Variants in PREX1 observed in about 807,000 individuals in gnomAD.
The protein encoded by PREX1 is phosphatidylinositol 3,4,5-trisphosphate-dependent Rac exchanger 1 protein.
A neutral mutation model predicts 198.3 loss-of-function variants in PREX1; 41 were observed. The observed-to-expected ratio is 0.21, with a 90% CI of 0.16 to 0.27. The LOEUF (loss-of-function observed/expected upper bound fraction) is 0.27, where lower values mean the gene tolerates loss of function less well. PREX1 is among the 10% of genes least tolerant of loss of function. The pLI is 1.00. For synonymous variants in PREX1, 843 were observed against 887.2 expected (o/e 0.95, Z 0.89); for missense variants, 1,620 against 2,200.7 (o/e 0.74, Z 5.28).
chr20:48,856,480 G>A, the PREX1 span, among the ~76,000 whole-genome samples: 1 of 152,166 alleles, frequency 6.6e-6, no homozygotes, highest in African/African-American at 2.4e-5. Context: ...TCAAGGAATG[G>A]AAACAGCAGG....
intron 14 of PREX1, among the ~76,000 whole-genome samples, chr20:48,667,753 C>G (rs566694937): frequency 1.3e-5 from 2 of 152,192 alleles, no homozygotes; most frequent in Non-Finnish European, 1.5e-5. Flanking sequence ...CTGGACCCTG[C>G]GGGTTTGGCC....
the PREX1 span, among the ~76,000 whole-genome samples, chr20:48,843,268 T>C: frequency 2.0e-5 from 3 of 152,214 alleles, no homozygotes; most frequent in Non-Finnish European, 4.4e-5. Flanking sequence ...TGGATCCAGG[T>C]GCTCAAAGAT....
chr20:48,806,813 T>A (rs1241509330), intron 1 of PREX1, among the ~76,000 whole-genome samples: 1 of 152,180 alleles, frequency 6.6e-6, no homozygotes, highest in African/African-American at 2.4e-5. Context: ...AAGGTCAAGA[T>A]GGCCCCCAAA....
chr20:48,824,580 C>T (rs185940381), intron 1 of PREX1, among the ~76,000 whole-genome samples: 7 of 152,346 alleles, frequency 4.6e-5, no homozygotes, highest in Non-Finnish European at 7.3e-5. Flanking sequence ...CTGCCAGACA[C>T]TGTTCTAAGT....
At chr20:48,700,995 A>C in intron 6 of PREX1, 109 bp from the exon 7 acceptor site, 1 of 1,435,540 alleles carries the variant, frequency 7.0e-7, no homozygotes. Flanking sequence ...AAACTCCACC[A>C]GCAAGTCTGT....
At chr20:48,812,256 A>T (rs2090439508) in intron 1 of PREX1, among the ~76,000 whole-genome samples, 1 of 152,184 alleles carries the variant, frequency 6.6e-6, no homozygotes, top group South Asian at 2.1e-4. Flanking sequence ...GGAATGGGTA[A>T]ATAATATAAG....
intron 6 of PREX1, among the ~76,000 whole-genome samples, chr20:48,705,999 G>A (rs939732536): frequency 1.3e-5 from 2 of 152,142 alleles, no homozygotes; most frequent in Admixed American, 6.5e-5. Context: ...GTAAAATGGG[G>A]ATAATAGCAC....
At chr20:48,864,351 G>C in the PREX1 span, among the ~76,000 whole-genome samples, 1 of 152,120 alleles carries the variant, frequency 6.6e-6, no homozygotes, top group Non-Finnish European at 1.5e-5. Context: ...TCCGTTACTG[G>C]GGTTAATATT....
At chr20:48,859,653 C>T in the PREX1 span, among the ~76,000 whole-genome samples, 6 of 152,136 alleles carry the variant, frequency 3.9e-5, no homozygotes, top group African/African-American at 1.2e-4. Context: ...GGCAGTTCCT[C>T]AAAAAATTAA....
At chr20:48,679,792 C>A (rs774352412) in intron 11 of PREX1, 38 bp from the exon 12 acceptor site, 1 of 1,504,814 alleles carries the variant, frequency 6.6e-7, no homozygotes, top group Non-Finnish European at 9.2e-7. Flanking sequence ...TGGGCACGCC[C>A]CCTCAGCCCC....
At chr20:48,708,232 AG>A in intron 6 of PREX1, 27 bp downstream of exon 6, 4 of 1,608,238 alleles carry the variant, frequency 2.5e-6, no homozygotes, top group Non-Finnish European at 3.4e-6. Context: ...CCTGCGGCCC[AG>A]GAAGCCCCCT....
chr20:48,807,972 T>C (rs1369000924), intron 1 of PREX1, among the ~76,000 whole-genome samples: 1 of 152,112 alleles, frequency 6.6e-6, no homozygotes, highest in Non-Finnish European at 1.5e-5. Flanking sequence ...CTCCCCATCC[T>C]TGCAAGCCGA....
chr20:48,865,907 G>C, the PREX1 span, among the ~76,000 whole-genome samples: 61 of 152,196 alleles, frequency 4.0e-4, no homozygotes, highest in South Asian at 9.1e-3. Context: ...ACGGGACAAG[G>C]GGTGACCAAT....
Position 48,666,953 on chromosome 20 carries a change from C to G in PREX1, c.1666-598G>C, listed in dbSNP as rs182388656. 3.8e-4 allele frequency among the ~76,000 whole-genome samples: 58 copies of G among 152,330 alleles called. No homozygotes were observed. The highest frequency in any genetic ancestry group is 1.4e-3 in the African/African-American group (57 of 41,558). ...GTTGCCTAGCAACACCTTTCCCATT[C>G]CTCCCTGGTCAAGAAGCCCTCATCC... On this transcript the variant is annotated intron_variant, in intron 14 of 39. Coordinates refer to ENST00000371941, the MANE Select transcript of PREX1 (RefSeq NM_020820.4). The surrounding 1 kb of genome is among the most constrained non-coding windows in gnomAD (Gnocchi z 4.3).
At position 48,806,248 on chromosome 20, in the gene PREX1, G is replaced by A. The variant is rs988877474; in HGVS notation, c.219+21394C>T. On this transcript the variant is annotated intron_variant, in intron 1 of 39. Transcript: ENST00000371941. ...TAAGCCCACCAGAACATCAGCTCCA[G>A]GAGGACAAAGATCTTTGTCCATTCA... Among the ~76,000 whole-genome samples, 4 of 152,316 alleles carry A rather than the reference G, an allele frequency of 2.6e-5. No individual in the cohort carries two copies. In the South Asian group the frequency reaches 8.3e-4, roughly 32 times the overall value.
intron 5 of PREX1, among the ~76,000 whole-genome samples, chr20:48,712,287 C>T (rs932388587): frequency 4.6e-5 from 7 of 152,164 alleles, no homozygotes; most frequent in African/African-American, 7.2e-5. Flanking sequence ...CCCAAGGGCA[C>T]GGACAGCTAA....
chr20:48,797,282 C>T (rs987147493), intron 1 of PREX1, among the ~76,000 whole-genome samples: 12 of 151,998 alleles, frequency 7.9e-5, no homozygotes, highest in African/African-American at 2.9e-4. Flanking sequence ...TCAAGCTGGC[C>T]TTTGTGGTTG....
chr20:48,806,948 C>T (rs1185532427), intron 1 of PREX1, among the ~76,000 whole-genome samples: 1 of 152,150 alleles, frequency 6.6e-6, no homozygotes, highest in Admixed American at 6.5e-5. Flanking sequence ...GGTATAGGGA[C>T]AGTTCAAAGG....
chr20:48,820,448 C>T (rs1263353675), intron 1 of PREX1, among the ~76,000 whole-genome samples: 1 of 152,210 alleles, frequency 6.6e-6, no homozygotes, highest in Non-Finnish European at 1.5e-5. Context: ...AGTCTGTGCT[C>T]TAAACCATGA....
Sources: allele counts gnomAD v4.1 joint callset (sites outside exome capture counted in the v4.1 genomes callset), GRCh38; gene constraint gnomAD v4.1.1; non-coding constraint Gnocchi (gnomAD v3.1); transcripts MANE v1.5; gene names NCBI Gene and HGNC (gene_info 2026-07-23, HGNC 2026-07-21).